EPB41L1: variants seen among roughly 807,000 people sequenced by gnomAD.
The protein encoded by EPB41L1 is erythrocyte membrane protein band 4.1 like 1.
Under a neutral mutation model 97.8 loss-of-function variants are expected in EPB41L1, and 29 were observed. The observed-to-expected ratio is 0.30, with a 90% CI of 0.22 to 0.40. The LOEUF (loss-of-function observed/expected upper bound fraction) is 0.40, where lower values mean the gene tolerates loss of function less well. Ranked by LOEUF, EPB41L1 falls within the 10% of genes least tolerant of loss-of-function variation. EPB41L1 has a pLI of 1.00. For missense variants in EPB41L1, 812 were observed against 1,162.3 expected (o/e 0.70, Z 4.38); for synonymous variants, 383 against 459.2 (o/e 0.83, Z 2.12).
Position 36,206,383 on chromosome 20 carries a change from C to A in EPB41L1, c.1669-3105C>A, listed in dbSNP as rs147198743. 8.5e-6 allele frequency: 11 copies of A among 1,289,964 alleles called. No individual in the cohort carries two copies. The highest frequency in any genetic ancestry group is 1.1e-5 in the Non-Finnish European group (11 of 988,904). 79.9% of individuals were successfully genotyped at this position (1,289,964 alleles called of 1,614,324 possible). A position where few individuals can be genotyped will look rare whatever the true frequency, so the allele number is the denominator to read the frequency against. The stretch of plus-strand genomic sequence containing the variant: ...CTCTCCAGCCTCCGACAAGGGAGGA[C>A]TCCAGTCGTTTCTATTGGATCCAGC... On this transcript the variant is annotated intron_variant, in intron 14 of 21. Coordinates refer to ENST00000338074, the MANE Select transcript of EPB41L1 (RefSeq NM_012156.2). This position sits in a 1 kb window ranked among gnomAD's most constrained non-coding sequence, Gnocchi z 5.5.
At chr20:36,178,729 G>C in intron 5 of EPB41L1, 57 bp downstream of exon 5, 1 of 1,569,002 alleles carries the variant, frequency 6.4e-7, no homozygotes, top group Non-Finnish European at 8.8e-7. Flanking sequence ...CAGGCCATGA[G>C]AGCCCCCCTT....
At chr20:36,134,385 C>T (rs1600496293) in intron 2 of EPB41L1, among the ~76,000 whole-genome samples, 1 of 152,274 alleles carries the variant, frequency 6.6e-6, no homozygotes, top group African/African-American at 2.4e-5. Flanking sequence ...CCTCAGTGTT[C>T]CCATGTACAC....
rs942587077 is a variant in EPB41L1, at chr20:36,092,479, CCAGCTCCGG to C, written c.-65+869_-65+877del. Among the ~76,000 whole-genome samples, 5 of 152,038 alleles carry C rather than the reference CCAGCTCCGG, an allele frequency of 3.3e-5. No individual in the cohort carries two copies. Among genetic ancestry groups the C allele is most frequent in the East Asian group, 1.9e-4 (1 of 5,134 alleles). ...CCCTCCCCGGGACCGGCGCGCGGCCCCAGCTCCGGCGGCTCCGGCGGCTCCGGCGCTCCC... is the reference window on the plus strand; with the variant it reads ...CCCTCCCCGGGACCGGCGCGCGGCCCCGGCTCCGGCGGCTCCGGCGCTCCC... On this transcript the variant is annotated intron_variant, in intron 1 of 19. Coordinates refer to the EPB41L1 transcript ENST00000202028. This position sits in a 1 kb window ranked among gnomAD's most constrained non-coding sequence, Gnocchi z 7.0.
intron 3 of EPB41L1, among the ~76,000 whole-genome samples, chr20:36,176,967 C>T (rs1341252784): frequency 6.6e-6 from 1 of 152,172 alleles, no homozygotes; most frequent in Non-Finnish European, 1.5e-5. Flanking sequence ...ATTTCACCTT[C>T]CCTGCTCCTG....
In EPB41L1 at chr20:36,218,875, G is replaced by A; in HGVS notation, c.2269-1G>A. ...CCATCTGAGCACTATTGTTTCCCCA[G>A]GAGAACAGTCTCAAGTCCGGGAAGG... On this transcript the variant is annotated splice_acceptor_variant, in intron 17 of 21. Coordinates refer to ENST00000338074, the MANE Select transcript of EPB41L1 (RefSeq NM_012156.2). LOFTEE classifies it high-confidence loss of function. 2.5e-6 allele frequency: 4 copies of A among 1,614,096 alleles called. No homozygotes were observed. Among genetic ancestry groups the A allele is most frequent in the Non-Finnish European group, 1.7e-6 (2 of 1,179,998 alleles).
At chr20:36,160,346 G>A (rs1225041524) in intron 1 of EPB41L1, among the ~76,000 whole-genome samples, 1 of 152,228 alleles carries the variant, frequency 6.6e-6, no homozygotes. Context: ...CACTCTGGGA[G>A]GCTGAGGCGG....
rs761593386 is a variant in EPB41L1, at chr20:36,229,313, C to A, written c.2638-19C>A. 1 of 1,610,810 alleles carries A rather than the reference C, an allele frequency of 6.2e-7. No homozygotes were observed. The highest frequency in any genetic ancestry group is 8.5e-7 in the Non-Finnish European group (1 of 1,177,872). On this transcript the variant is annotated intron_variant, in intron 21 of 21. Coordinates refer to ENST00000338074, the MANE Select transcript of EPB41L1 (RefSeq NM_012156.2). ...CCCACTCCCCACCCCCCATTCTACCCCATGCCTCTGGCTTCCAGGAATCCT... is the reference window on the plus strand; with the variant it reads ...CCCACTCCCCACCCCCCATTCTACCACATGCCTCTGGCTTCCAGGAATCCT...
chr20:36,185,058 T>C, intron 6 of EPB41L1, 59 bp from the exon 7 acceptor site: 2 of 1,546,728 alleles, frequency 1.3e-6, no homozygotes, highest in Non-Finnish European at 1.8e-6. Flanking sequence ...ACAGCTGTGC[T>C]TGGGGGATCT....
chr20:36,204,547 C>T (rs778496057), intron 14 of EPB41L1, among the ~76,000 whole-genome samples: 8 of 134,020 alleles, frequency 6.0e-5, no homozygotes, highest in South Asian at 2.4e-4. Flanking sequence ...TGCATTGGTG[C>T]GATCTCGGCT....
At position 36,229,232 on chromosome 20, in the gene EPB41L1, T is replaced by A. The variant is rs564514958; in HGVS notation, c.2638-100T>A. 111 of 1,022,720 alleles carry A rather than the reference T, an allele frequency of 1.1e-4. No individual in the cohort carries two copies. The East Asian group carries it at 2.3e-3, about 21-fold the overall frequency. 63.4% of individuals were successfully genotyped at this position (1,022,720 alleles called of 1,614,324 possible). On this transcript the variant is annotated intron_variant, in intron 21 of 21. Transcript: ENST00000338074. ...AGCAAAAACAACCTCTTGCCATGTA[T>A]TTTAAAACAAGTGACAGAAGTTACT...
intron 3 of EPB41L1, among the ~76,000 whole-genome samples, chr20:36,177,562 G>A (rs537368301): frequency 6.6e-6 from 1 of 152,234 alleles, no homozygotes; most frequent in African/African-American, 2.4e-5. Context: ...TTCCAGGGGC[G>A]GCTTCTCTTC....
chr20:36,182,373 G>T, intron 6 of EPB41L1, 26 bp downstream of exon 6: 1 of 1,612,588 alleles, frequency 6.2e-7, no homozygotes, highest in Non-Finnish European at 8.5e-7. Context: ...GGAGAGACAG[G>T]TGTGCTGGCT....
chr20:36,189,828 G>A (rs1466968954), intron 9 of EPB41L1, among the ~76,000 whole-genome samples: 1 of 152,168 alleles, frequency 6.6e-6, no homozygotes, highest in Non-Finnish European at 1.5e-5. Flanking sequence ...CACTGGACCC[G>A]TCACAGAGTA....
At chr20:36,162,834 A>G (rs1266612663) in intron 1 of EPB41L1, among the ~76,000 whole-genome samples, 2 of 152,206 alleles carry the variant, frequency 1.3e-5, no homozygotes. Context: ...GTCCGTGGGT[A>G]CTGCAAACCT....
chr20:36,148,953 T>TG (rs2059940949), intron 2 of EPB41L1, among the ~76,000 whole-genome samples: 1 of 151,878 alleles, frequency 6.6e-6, no homozygotes, highest in African/African-American at 2.4e-5. Flanking sequence ...GGGGCGGAGA[T>TG]GGGGCCAGGC....
At chr20:36,142,692 C>G (rs1378444592) in intron 2 of EPB41L1, among the ~76,000 whole-genome samples, 2 of 152,186 alleles carry the variant, frequency 1.3e-5, no homozygotes, top group Non-Finnish European at 2.9e-5. Flanking sequence ...CCTGGGTGGC[C>G]TGATGGGGCT....
chr20:36,218,934 T>C lies in EPB41L1; in HGVS notation c.2327T>C (p.Val776Ala), dbSNP rs751967610. 9.9e-6 allele frequency: 16 copies of C among 1,614,180 alleles called. No homozygotes were observed. The highest frequency in any genetic ancestry group is 1.3e-5 in the Non-Finnish European group (15 of 1,180,042). ...GCCATGATCCCAGGCCCACAGACGGTGGCCACGGAAATCCGTTCTCTTTCT... is the reference window on the plus strand; with the variant it reads ...GCCATGATCCCAGGCCCACAGACGGCGGCCACGGAAATCCGTTCTCTTTCT... ...AAAMIPGPQT[V>A]ATEIRSLSPI... The change falls in exon 18 of 22, where the codon GTG (valine) becomes GCG (alanine). Residue 776 changes from valine (V) to alanine (A), a missense_variant. Transcript: ENST00000338074.
At chr20:36,106,961 C>T (rs558740713) in intron 1 of EPB41L1, among the ~76,000 whole-genome samples, 86 of 152,266 alleles carry the variant, frequency 5.6e-4, no homozygotes, top group African/African-American at 2.0e-3. Flanking sequence ...CCCCACCATG[C>T]TTGGCTAATT....
At chr20:36,149,998 A>C (rs910382211), upstream of EPB41L1, 10 of 152,278 alleles carry the variant, frequency 6.6e-5, no homozygotes, top group Admixed American at 3.9e-4. Flanking sequence ...TTTTTAAAAA[A>C]GTCAAAAGAA....
Sources: gnomAD v4.1 joint callset for allele counts (sites outside exome capture counted in the v4.1 genomes callset) on GRCh38, gnomAD v4.1.1 for gene constraint, Gnocchi (gnomAD v3.1) non-coding constraint, MANE v1.5 for transcripts, NCBI Gene and HGNC (gene_info 2026-07-23, HGNC 2026-07-21) for gene names.